Variants in PIP observed in about 807,000 individuals in gnomAD.
PIP encodes prolactin-inducible protein.
A neutral mutation model predicts 12.8 loss-of-function variants in PIP; 9 were observed. The observed-to-expected ratio is 0.70, with a 90% confidence interval of 0.42 to 1.23. PIP has a LOEUF of 1.23. PIP is among the 50% of genes most tolerant of loss of function. The pLI is 0.00. For synonymous variants in PIP, 60 were observed against 66.1 expected, an observed-to-expected ratio of 0.91 and a Z score of 0.45; for missense variants, 172 against 179.5, an observed-to-expected ratio of 0.96 and a Z score of 0.24.
intron 1 of PIP, 89 bp from the exon 2 acceptor site, chr7:143,135,105 C>T (rs1227346457): frequency 4.7e-6 from 3 of 639,600 alleles, no homozygotes; most frequent in Non-Finnish European, 8.7e-6. Context: ...CCTTGCCCAT[C>T]CTGTGCCCCT....
intron 2 of PIP, among the ~76,000 whole-genome samples, chr7:143,138,177 C>T (rs563496761): frequency 3.9e-5 from 6 of 152,058 alleles, no homozygotes; most frequent in Non-Finnish European, 7.4e-5. Context: ...CCTCTGGATC[C>T]GTGCAATGAT....
At chr7:143,135,818 C>T (rs1799304198) in intron 2 of PIP, among the ~76,000 whole-genome samples, 1 of 152,040 alleles carries the variant, frequency 6.6e-6, no homozygotes, top group Non-Finnish European at 1.5e-5. Flanking sequence ...TTGTTCCAGC[C>T]TCCCCACCCT....
Position 143,139,094 on chromosome 7 carries a change from G to A in PIP, c.221G>A (p.Ser74Asn), listed in dbSNP as rs866876873. Reference protein sequence around the residue: ...ECMVVKTYLISSIPLQGAFNY... With the variant: ...ECMVVKTYLINSIPLQGAFNY... ...CACCAGGTTAAAACTTACCTCATTA[G>A]CAGCATCCCTCTACAAGGTGCATTT... The change falls in exon 3 of 4, where the codon AGC becomes AAC. Residue 74 changes from serine (S) to asparagine (N), a missense_variant. Transcript: ENST00000291009. 1 of 1,580,944 alleles carries A rather than the reference G, an allele frequency of 6.3e-7. No individual in the cohort carries two copies. The highest frequency in any genetic ancestry group is 1.3e-5 in the African/African-American group (1 of 74,574).
chr7:143,137,650 A>G (rs1204807384), intron 2 of PIP, among the ~76,000 whole-genome samples: 1 of 152,122 alleles, frequency 6.6e-6, no homozygotes, highest in Non-Finnish European at 1.5e-5. Flanking sequence ...CTGTAATCCC[A>G]GCACTTTGGG....
At chr7:143,139,027 A>G (rs758536883) in intron 2 of PIP, 48 bp from the exon 3 acceptor site, 1 of 950,770 alleles carries the variant, frequency 1.1e-6, no homozygotes, top group Non-Finnish European at 1.7e-6. Context: ...TCCCTTACCC[A>G]TTCCCCAAAA....
chr7:143,135,801 T>G (rs1404158768), intron 2 of PIP, among the ~76,000 whole-genome samples: 1 of 152,044 alleles, frequency 6.6e-6, no homozygotes, highest in Non-Finnish European at 1.5e-5. Flanking sequence ...TCACCAGAAG[T>G]GGACTCTTGT....
chr7:143,138,915 T>G (rs1364586252), intron 2 of PIP, among the ~76,000 whole-genome samples, 160 bp from the exon 3 acceptor site: 1 of 152,092 alleles, frequency 6.6e-6, no homozygotes. Context: ...TGACCTAGAC[T>G]TTGGCTCCTG....
chr7:143,133,345 T>G (rs1233536161), intron 1 of PIP, among the ~76,000 whole-genome samples: 4 of 152,016 alleles, frequency 2.6e-5, no homozygotes, highest in Non-Finnish European at 5.9e-5. Flanking sequence ...GATTTTGAAG[T>G]TGCTTAGGTA....
chr7:143,138,969 C>G (rs762306500), intron 2 of PIP, 106 bp from the exon 3 acceptor site: 5 of 704,586 alleles, frequency 7.1e-6, no homozygotes, highest in Non-Finnish European at 1.0e-5. Flanking sequence ...CTAGGCCCAC[C>G]TCCACCCCCA....
intron 2 of PIP, among the ~76,000 whole-genome samples, chr7:143,137,702 C>A (rs1799324214): frequency 6.6e-6 from 1 of 151,986 alleles, no homozygotes; most frequent in Admixed American, 6.6e-5. Context: ...GAGTTCGAGA[C>A]CAGCTTGGCC....
rs1799246309 is a variant in PIP, at chr7:143,132,085, T to C, written c.-32T>C. The C allele has an allele frequency of 6.2e-7, 1 of 1,612,516 alleles. No individual in the cohort carries two copies. Among genetic ancestry groups the C allele is most frequent in the Non-Finnish European group, 8.5e-7 (1 of 1,178,920 alleles). ...TGCTGGGCACCTGGGACACCACTTC[T>C]CTGGGACACATTGCCTTCTGTTTTC... is the stretch of plus-strand genomic sequence containing the variant. On this transcript the variant is annotated 5_prime_UTR_variant, in exon 1 of 4. Transcript: ENST00000291009.
rs755172866 is a variant in PIP at position 143,135,276 on chromosome 7, A to C, written c.178A>C (p.Thr60Pro). 17 of 1,587,664 alleles carry C rather than the reference A, an allele frequency of 1.1e-5. No individual in the cohort carries two copies. The Admixed American group carries it at 1.2e-4, about 11-fold the overall frequency. The change falls in exon 2 of 4, where the codon ACA becomes CCA. Residue 60 changes from threonine to proline, a missense_variant. Coordinates refer to ENST00000291009, the MANE Select transcript of PIP (RefSeq NM_002652.3). ...AGTCACTGCAGTGCTTGCAGTTCAA[A>C]CAGAATTGAAAGAATGCATGGTGGT... is the stretch of plus-strand genomic sequence containing the variant. Reference protein sequence around the residue: ...DEVTAVLAVQTELKECMVVKT... With the variant: ...DEVTAVLAVQPELKECMVVKT...
intron 1 of PIP, among the ~76,000 whole-genome samples, chr7:143,134,761 G>A (rs1027564474): frequency 5.9e-5 from 9 of 151,844 alleles, no homozygotes; most frequent in African/African-American, 1.9e-4. Context: ...TTAAAAACTT[G>A]TTTTTGGTCA....
intron 1 of PIP, among the ~76,000 whole-genome samples, chr7:143,133,123 A>G (rs747059043): frequency 3.0e-4 from 46 of 151,942 alleles, no homozygotes; most frequent in Non-Finnish European, 5.7e-4. Flanking sequence ...AAGGGCAGCA[A>G]GGTATTCAAA....
chr7:143,139,643 T>C lies in PIP; in HGVS notation c.*1T>C, dbSNP rs1171370984. 1 of 1,607,090 alleles carries C rather than the reference T, an allele frequency of 6.2e-7. No homozygotes were observed. The highest frequency in any genetic ancestry group is 8.5e-7 in the Non-Finnish European group (1 of 1,174,258). On this transcript the variant is annotated 3_prime_UTR_variant, in exon 4 of 4. Transcript: ENST00000291009. ...TATTGAAATCCTAAAGGTAGAATAA[T>C]GGAAGCCCTGTCTGTTTGCCACACC... is the stretch of plus-strand genomic sequence containing the variant.
At chr7:143,134,845 G>C (rs1378766804) in intron 1 of PIP, among the ~76,000 whole-genome samples, 1 of 151,932 alleles carries the variant, frequency 6.6e-6, no homozygotes, top group South Asian at 2.1e-4. Flanking sequence ...TGTGAATTGT[G>C]CTACTATAAA....
At position 143,132,136 on chromosome 7, in the gene PIP, T is replaced by G. The variant is rs868064180; in HGVS notation, c.20T>G (p.Leu7Arg). Residue 7 changes from leucine to arginine, a missense_variant, in exon 1 of 4, where the codon CTG (leucine) becomes CGG (arginine). Coordinates refer to ENST00000291009, the MANE Select transcript of PIP (RefSeq NM_002652.3). MRLLQLLFRASPATLLL... is the reference protein window; with the variant it reads MRLLQLRFRASPATLLL... ...TCCAGCATGCGCTTGCTCCAGCTCC[T>G]GTTCAGGGCCAGCCCTGCCACCCTG... 6.2e-7 allele frequency: 1 copy of G among 1,612,530 alleles called. No individual in the cohort carries two copies. The highest frequency in any genetic ancestry group is 1.3e-5 in the African/African-American group (1 of 75,028).
At chr7:143,137,710 G>A (rs1388410467) in intron 2 of PIP, among the ~76,000 whole-genome samples, 2 of 151,942 alleles carry the variant, frequency 1.3e-5, no homozygotes, top group Non-Finnish European at 2.9e-5. Flanking sequence ...GACCAGCTTG[G>A]CCAACATGGT....
intron 3 of PIP, 29 bp from the exon 4 acceptor site, chr7:143,139,489 G>A (rs2116573930): frequency 1.2e-6 from 2 of 1,611,194 alleles, no homozygotes; most frequent in South Asian, 1.1e-5. Context: ...GGGTGTCTGA[G>A]AGATGATCTC....
Sources: gnomAD v4.1 joint callset for allele counts (sites outside exome capture counted in the v4.1 genomes callset) on GRCh38, gnomAD v4.1.1 for gene constraint, MANE v1.5 for transcripts, NCBI Gene and HGNC (gene_info 2026-07-23, HGNC 2026-07-21) for gene names.